HMCN2: variants seen among roughly 807,000 people sequenced by gnomAD.
The protein encoded by HMCN2 is hemicentin-2.
In HMCN2, 325 loss-of-function variants were observed where a neutral mutation model predicts 377.5. The observed-to-expected ratio is 0.86, with a 90% CI of 0.79 to 0.94. The LOEUF (loss-of-function observed/expected upper bound fraction) is 0.94, where lower values mean the gene tolerates loss of function less well. Ranked by LOEUF, HMCN2 falls within the 40% of genes least tolerant of loss-of-function variation. The pLI, the probability that HMCN2 is intolerant of heterozygous loss-of-function variation, is 0.00. For missense variants in HMCN2, 4,543 were observed against 4,725.3 expected, an observed-to-expected ratio of 0.96 and a Z score of 1.13; for synonymous variants, 2,007 against 2,046.8, an observed-to-expected ratio of 0.98 and a Z score of 0.53.
At chr9:130,300,363 G>A (rs1376368703) in intron 8 of HMCN2, among the ~76,000 whole-genome samples, 1 of 152,238 alleles carries the variant, frequency 6.6e-6, no homozygotes, top group Non-Finnish European at 1.5e-5. Context: ...ACACAGCAGT[G>A]GGCAGGGCAG....
chr9:130,349,771 G>A (rs1839600307), intron 29 of HMCN2, 108 bp downstream of exon 29: 2 of 1,114,428 alleles, frequency 1.8e-6, no homozygotes, highest in Non-Finnish European at 2.3e-6. Context: ...GACAGGCATG[G>A]CATGTGCCAC....
chr9:130,308,911 A>G lies in HMCN2; in HGVS notation c.2201-1001A>G, dbSNP rs1837053576. Among the ~76,000 whole-genome samples the G allele has an allele frequency of 6.6e-6, 1 of 152,216 alleles. No individual in the cohort carries two copies. Among genetic ancestry groups the G allele is most frequent in the African/African-American group, 2.4e-5 (1 of 41,454 alleles). On this transcript the variant is annotated intron_variant, in intron 14 of 97. Transcript: ENST00000683500. This position sits in a 1 kb window ranked among gnomAD's most constrained non-coding sequence, Gnocchi z 4.1. ...AGATGTCAAATTCATAGAGACGAAA[A>G]GATGGAGTGGTGTTCGCCAGGGACT...
intron 31 of HMCN2, among the ~76,000 whole-genome samples, chr9:130,354,023 C>T (rs867855575): frequency 8.5e-5 from 13 of 152,276 alleles, no homozygotes; most frequent in East Asian, 3.9e-4. Flanking sequence ...AAGATGGCCC[C>T]GCCGCTAGCT....
At chr9:130,306,694 GC>G (rs1466923880) in intron 12 of HMCN2, 116 bp from the exon 13 acceptor site, 17 of 387,558 alleles carry the variant, frequency 4.4e-5, no homozygotes, top group Non-Finnish European at 7.7e-5. Context: ...CAGGCCTAGA[GC>G]AAGCCATCAG....
intron 32 of HMCN2, 136 bp downstream of exon 32, chr9:130,355,180 C>A: frequency 1.4e-6 from 1 of 713,970 alleles, no homozygotes; most frequent in Non-Finnish European, 2.0e-6. Flanking sequence ...CATTGCATGA[C>A]ACAGATGAGG....
intron 81 of HMCN2, among the ~76,000 whole-genome samples, chr9:130,405,362 G>T (rs1185664939): frequency 2.0e-5 from 3 of 152,258 alleles, no homozygotes; most frequent in Non-Finnish European, 4.4e-5. Context: ...CCCAGTTGTT[G>T]TCAACCATGC....
chr9:130,266,186 T>C, intron 1 of HMCN2, 49 bp downstream of exon 1: 2 of 425,768 alleles, frequency 4.7e-6, no homozygotes, highest in East Asian at 8.7e-5. Context: ...CGAGGTGCTC[T>C]CACCTGCCTG....
chr9:130,389,217 C>T (rs1042728313), intron 62 of HMCN2, among the ~76,000 whole-genome samples: 3 of 152,182 alleles, frequency 2.0e-5, no homozygotes, highest in African/African-American at 7.2e-5. Context: ...CCCTCTCTCT[C>T]AGTAACAGCT....
intron 92 of HMCN2, 81 bp downstream of exon 92, chr9:130,427,700 A>AC (rs1046727678): frequency 5.5e-6 from 8 of 1,454,836 alleles, no homozygotes; most frequent in Non-Finnish European, 7.3e-6. Flanking sequence ...CAGGGCCAGG[A>AC]CCCTGGCTGG....
chr9:130,324,967 A>G (rs1417496240), intron 19 of HMCN2, among the ~76,000 whole-genome samples: 1 of 138,850 alleles, frequency 7.2e-6, no homozygotes, highest in Non-Finnish European at 1.6e-5. Flanking sequence ...GCAGTGACCC[A>G]TCACTGCAAT....
At chr9:130,429,535 C>T (rs555369092) in intron 93 of HMCN2, 22 bp from the exon 94 acceptor site, 56 of 1,550,054 alleles carry the variant, frequency 3.6e-5, no homozygotes, top group Middle Eastern at 3.3e-4. Flanking sequence ...TCCCCACCAC[C>T]GACCATGCCC....
rs1417818619 is a variant in HMCN2 at position 130,390,993 on chromosome 9, C to T, written c.9540C>T (p.His3180=). 22 of 987,198 alleles carry T rather than the reference C, an allele frequency of 2.2e-5. No homozygotes were observed. Among genetic ancestry groups the T allele is most frequent in the South Asian group, 9.4e-5 (2 of 21,348 alleles). 61.2% of individuals were successfully genotyped at this position (987,198 alleles called of 1,614,324 possible). ...GTCCCACAGAGAGCAGCGCGGTGCACGGTGTGGTCTCCCGGGGGGGCCGCC... is the reference window on the plus strand; with the variant it reads ...GTCCCACAGAGAGCAGCGCGGTGCATGGTGTGGTCTCCCGGGGGGGCCGCC... The part of the protein sequence containing the change: ...DRMPVESSAV[H]GVVSRGGRLQ... The change falls in exon 63 of 98, where the codon CAC becomes CAT. Residue 3180 remains histidine (H), a synonymous_variant. Coordinates refer to ENST00000683500, the MANE Select transcript of HMCN2 (RefSeq NM_001291815.2).
rs1479900480 is a variant in HMCN2 at position 130,308,105 on chromosome 9, T to A, written c.2200+539T>A. 6.6e-6 allele frequency among the ~76,000 whole-genome samples: 1 copy of A among 152,040 alleles called. No homozygotes were observed. The highest frequency in any genetic ancestry group is 2.4e-5 in the African/African-American group (1 of 41,384). On this transcript the variant is annotated intron_variant, in intron 14 of 97. Coordinates refer to ENST00000683500, the MANE Select transcript of HMCN2 (RefSeq NM_001291815.2). This position sits in a 1 kb window ranked among gnomAD's most constrained non-coding sequence, Gnocchi z 4.1. ...TGGAGTAGCTGGAATTATAGGCGTG[T>A]ACCACCAGGCCTGGCTCATTTTTGT...
chr9:130,395,298 C>G lies in HMCN2; in HGVS notation c.10862C>G (p.Ala3621Gly), dbSNP rs1212242437. 1.6e-6 allele frequency: 2 copies of G among 1,289,436 alleles called. No homozygotes were observed. The highest frequency in any genetic ancestry group is 3.0e-5 in the African/African-American group (2 of 65,850). 79.9% of individuals were successfully genotyped at this position (1,289,436 alleles called of 1,614,324 possible). The change falls in exon 71 of 98, where the codon GCA (alanine) becomes GGA (glycine). Residue 3621 changes from alanine (A) to glycine (G), a missense_variant. By Grantham distance (60) the Ala-to-Gly change is moderately conservative. Coordinates refer to ENST00000683500, the MANE Select transcript of HMCN2 (RefSeq NM_001291815.2). ...CTGGTCCTGGAGTGTTCGGTGGAGG[C>G]AGAGCCAGCGCCCAAGATCACGTGG... is the stretch of plus-strand genomic sequence containing the variant. Reference protein sequence around the residue: ...GQLVLECSVEAEPAPKITWHR... With the variant: ...GQLVLECSVEGEPAPKITWHR...
In HMCN2 at chr9:130,359,328, A is replaced by G; in HGVS notation, c.5687A>G (p.Asn1896Ser). ...CCTTGTCTCCCCCTAGTGCCCCCCAACATCGAGCCAGGCCCAGTCAACAAG... is the reference window on the plus strand; with the variant it reads ...CCTTGTCTCCCCCTAGTGCCCCCCAGCATCGAGCCAGGCCCAGTCAACAAG... ...EVALKVLVPP[N>S]IEPGPVNKAV... Residue 1896 changes from asparagine to serine, a missense_variant, in exon 37 of 98, where the codon AAC becomes AGC. This residue lies in a region of HMCN2 where 1,032 missense variants were observed against 1,285.1 expected (regional missense o/e 0.80). Transcript: ENST00000683500. 1 of 1,303,126 alleles carries G rather than the reference A, an allele frequency of 7.7e-7. No homozygotes were observed. Among genetic ancestry groups the G allele is most frequent in the Non-Finnish European group, 1.0e-6 (1 of 988,018 alleles). The allele number at this position is 1,303,126 out of a possible 1,614,324, so 80.7% of individuals were successfully genotyped here.
chr9:130,396,981 G>C (rs1449679282), intron 73 of HMCN2, among the ~76,000 whole-genome samples: 5 of 152,228 alleles, frequency 3.3e-5, no homozygotes, highest in Non-Finnish European at 7.3e-5. Context: ...TTGGGCTGTG[G>C]GGAGCTGCTC....
chr9:130,307,766 G>A (rs1836964994), intron 14 of HMCN2, among the ~76,000 whole-genome samples, 200 bp downstream of exon 14: 1 of 152,070 alleles, frequency 6.6e-6, no homozygotes, highest in African/African-American at 2.4e-5. Flanking sequence ...CACAGCTCAT[G>A]TAGGTATTCA....
In HMCN2 at chr9:130,383,525, G is replaced by A. The variant is rs1841847232; in HGVS notation, c.8755G>A (p.Asp2919Asn). 3 of 985,962 alleles carry A rather than the reference G, an allele frequency of 3.0e-6. No homozygotes were observed. Among genetic ancestry groups the A allele is most frequent in the African/African-American group, 1.7e-5 (1 of 57,242 alleles). 61.1% of individuals were successfully genotyped at this position (985,962 alleles called of 1,614,324 possible). A position where few individuals can be genotyped will look rare whatever the true frequency, so the allele number is the denominator to read the frequency against. ...ACAGGTTTCCACGGCAGAGGTGGCC[G>A]ACGCCGCCAGCTACATGTGTGTGGC... The part of the protein sequence containing the change: ...VLQVSTAEVA[D>N]AASYMCVAEN... The change falls in exon 57 of 98, where the codon GAC becomes AAC. Residue 2919 changes from aspartate (D) to asparagine (N), a missense_variant. Coordinates refer to ENST00000683500, the MANE Select transcript of HMCN2 (RefSeq NM_001291815.2).
At chr9:130,327,562 T>G (rs1381944863) in intron 22 of HMCN2, 87 bp downstream of exon 22, 1 of 152,304 alleles carries the variant, frequency 6.6e-6, no homozygotes, top group African/African-American at 2.4e-5. Flanking sequence ...GCGGGTGTCT[T>G]GGACCCTGCA....
Sources: allele counts gnomAD v4.1 joint callset (sites outside exome capture counted in the v4.1 genomes callset), GRCh38; gene constraint gnomAD v4.1.1; regional missense constraint gnomAD v4.1.1; non-coding constraint Gnocchi (gnomAD v3.1); transcripts MANE v1.5; gene names NCBI Gene and HGNC (gene_info 2026-07-23, HGNC 2026-07-21).